The following LRP1B variants were observed in gnomAD, a reference collection of about 807,000 sequenced individuals.
LRP1B encodes LDL receptor related protein 1B, also known as low-density lipoprotein receptor-related protein 1B.
A neutral mutation model predicts 556.6 loss-of-function variants in LRP1B; 217 were observed. That is an observed-to-expected ratio of 0.39 (90% confidence interval 0.35 to 0.44). LRP1B has a LOEUF of 0.44. Among genes scored for constraint, LRP1B ranks in the 20% least tolerant of loss-of-function variants. The pLI is 1.00. For missense variants in LRP1B, 5,053 were observed against 5,620.8 expected (o/e 0.90, Z 3.23); for synonymous variants, 2,047 against 1,865.8 (o/e 1.10, Z -2.50).
intron 2 of LRP1B, among the ~76,000 whole-genome samples, chr2:141,779,049 G>A (rs1484171948): frequency 3.3e-5 from 5 of 152,058 alleles, no homozygotes. Flanking sequence ...CATTTAATCT[G>A]AGAAATAAGC....
At chr2:141,233,429 A>G (rs2105302715) in intron 5 of LRP1B, among the ~76,000 whole-genome samples, 1 of 152,302 alleles carries the variant, frequency 6.6e-6, no homozygotes, top group South Asian at 2.1e-4. Context: ...GCTCTGTATG[A>G]TCATAAATGA....
At chr2:141,244,213 T>C (rs961097274) in intron 5 of LRP1B, among the ~76,000 whole-genome samples, 5 of 152,224 alleles carry the variant, frequency 3.3e-5, no homozygotes, top group African/African-American at 1.2e-4. Flanking sequence ...CATCTTGTAC[T>C]GTCTTTGCAA....
At chr2:141,500,355 G>T (rs1176526389) in intron 2 of LRP1B, among the ~76,000 whole-genome samples, 2 of 152,008 alleles carry the variant, frequency 1.3e-5, no homozygotes, top group African/African-American at 2.4e-5. Flanking sequence ...CTTCTTTTCT[G>T]TGAAGCTCCT....
At chr2:141,731,780 T>A (rs931803667) in intron 2 of LRP1B, among the ~76,000 whole-genome samples, 1 of 152,172 alleles carries the variant, frequency 6.6e-6, no homozygotes, top group South Asian at 2.1e-4. Flanking sequence ...ATGTGGACAC[T>A]AACCTCATTA....
intron 1 of LRP1B, among the ~76,000 whole-genome samples, chr2:141,883,653 G>T (rs936757497): frequency 1.3e-5 from 2 of 152,098 alleles, no homozygotes; most frequent in Non-Finnish European, 2.9e-5. Flanking sequence ...GAGCCTAGGA[G>T]ATCAAGACTG....
intron 87 of LRP1B, 117 bp from the exon 88 acceptor site, chr2:140,239,649 C>A: frequency 1.8e-6 from 1 of 548,634 alleles, no homozygotes; most frequent in Non-Finnish European, 3.1e-6. Flanking sequence ...AAGCTTAGCC[C>A]AAATGTTTAT....
intron 31 of LRP1B, among the ~76,000 whole-genome samples, chr2:140,834,964 ATTAATATTTTATGTTTC>A (rs1466212123): frequency 4.6e-5 from 7 of 152,276 alleles, no homozygotes; most frequent in African/African-American, 1.7e-4. Context: ...AGCAACGTAT[ATTAATATTTTATGTTTC>A]ATTTTGAAAT....
chr2:140,540,573 A>G (rs1680096380), intron 45 of LRP1B, among the ~76,000 whole-genome samples: 1 of 152,094 alleles, frequency 6.6e-6, no homozygotes, highest in Non-Finnish European at 1.5e-5. Flanking sequence ...ACTATGATGG[A>G]CTGTGAGTGG....
intron 5 of LRP1B, among the ~76,000 whole-genome samples, chr2:141,236,485 A>T (rs1047508829): frequency 3.3e-5 from 5 of 152,190 alleles, no homozygotes; most frequent in African/African-American, 1.2e-4. Flanking sequence ...GATGTTAGAC[A>T]AAGTATGCAA....
intron 41 of LRP1B, among the ~76,000 whole-genome samples, chr2:140,622,461 A>T (rs1212479456): frequency 1.3e-5 from 2 of 152,114 alleles, no homozygotes; most frequent in African/African-American, 4.8e-5. Context: ...ATCACTGGAG[A>T]CCAGATTGCT....
At chr2:142,104,808 A>T (rs1366726746) in intron 1 of LRP1B, among the ~76,000 whole-genome samples, 1 of 152,166 alleles carries the variant, frequency 6.6e-6, no homozygotes, top group Non-Finnish European at 1.5e-5. Context: ...TAAACAACTC[A>T]TGTCTTCTTT....
intron 2 of LRP1B, among the ~76,000 whole-genome samples, chr2:141,578,639 T>C (rs56781634): frequency 0.012 from 1,884 of 152,234 alleles, 44 homozygotes; most frequent in African/African-American, 0.043. Context: ...AAATGAAAAC[T>C]TCCAAAACTA....
At chr2:141,713,106 C>T (rs1211331742) in intron 2 of LRP1B, among the ~76,000 whole-genome samples, 1 of 144,934 alleles carries the variant, frequency 6.9e-6, no homozygotes, top group Non-Finnish European at 1.5e-5. Context: ...TTTTTTGAGA[C>T]AGGGTCTCAC....
intron 37 of LRP1B, among the ~76,000 whole-genome samples, chr2:140,706,196 C>T (rs1317584934): frequency 6.6e-6 from 1 of 152,042 alleles, no homozygotes; most frequent in African/African-American, 2.4e-5. Context: ...GGTTCAGACC[C>T]TACTGATATT....
chr2:141,909,509 A>C (rs1699846638), intron 1 of LRP1B, among the ~76,000 whole-genome samples: 1 of 147,170 alleles, frequency 6.8e-6, no homozygotes, highest in Non-Finnish European at 1.5e-5. Flanking sequence ...TAATTTAATC[A>C]GACTAAGGTC....
In LRP1B at chr2:141,210,256, A is replaced by AT. The variant is rs933986020; in HGVS notation, c.850+18926_850+18927insA. Reference sequence around the variant, plus strand: ...CGGAGGTCAGGAAATATAAGAAAAAAAAATGCCCATGTTACCTGACAAAAA... The same window carrying AT: ...CGGAGGTCAGGAAATATAAGAAAAAATAAATGCCCATGTTACCTGACAAAAA... On this transcript the variant is annotated intron_variant, in intron 6 of 90. Coordinates refer to ENST00000389484, the MANE Select transcript of LRP1B (RefSeq NM_018557.3). Among the ~76,000 whole-genome samples the AT allele has an allele frequency of 2.3e-3, 343 of 152,128 alleles. 2 individuals are homozygous for AT. Among genetic ancestry groups the AT allele is most frequent in the Non-Finnish European group, 3.8e-3 (260 of 67,984 alleles).
In LRP1B at chr2:140,444,398, C is replaced by T. The variant is rs2105304196; in HGVS notation, c.10226G>A (p.Cys3409Tyr). ...GQFKCTKNQK[C>Y]IPVNLRCNGQ... The stretch of plus-strand genomic sequence containing the variant: ...ATTACATCTTAAGTTTACTGGGATA[C>T]ATTTCTGGTTCTTGGTACATTTGAA... The change falls in exon 65 of 91, where the codon TGT (cysteine) becomes TAT (tyrosine). Residue 3409 changes from cysteine to tyrosine, a missense_variant. Physicochemically the swap from Cys to Tyr is radical, Grantham distance 194. Coordinates refer to ENST00000389484, the MANE Select transcript of LRP1B (RefSeq NM_018557.3). The T allele has an allele frequency of 6.2e-7, 1 of 1,613,982 alleles. No homozygotes were observed. Among genetic ancestry groups the T allele is most frequent in the Non-Finnish European group, 8.5e-7 (1 of 1,179,908 alleles).
At chr2:141,538,096 T>G (rs911204230) in intron 2 of LRP1B, among the ~76,000 whole-genome samples, 1 of 152,122 alleles carries the variant, frequency 6.6e-6, no homozygotes, top group African/African-American at 2.4e-5. Context: ...TTTCTATGTC[T>G]ACCAGACACA....
rs541811672 is a variant in LRP1B, at chr2:140,543,454, A to G, written c.7195-1483T>C. Among the ~76,000 whole-genome samples, 3 of 152,160 alleles carry G rather than the reference A, an allele frequency of 2.0e-5. No individual in the cohort carries two copies. In the East Asian group the frequency reaches 5.8e-4, roughly 29 times the overall value. On this transcript the variant is annotated intron_variant, in intron 43 of 90. Coordinates refer to ENST00000389484, the MANE Select transcript of LRP1B (RefSeq NM_018557.3). ...AGGAATACAACCTGATTCAATATTA[A>G]AAAATCATTCAGCATAATTCACCAT... is the stretch of plus-strand genomic sequence containing the variant.
Sources: gnomAD v4.1 joint callset for allele counts (sites outside exome capture counted in the v4.1 genomes callset) on GRCh38, gnomAD v4.1.1 for gene constraint, MANE v1.5 for transcripts, NCBI Gene and HGNC (gene_info 2026-07-23, HGNC 2026-07-21) for gene names.